DCLK1: variants seen among roughly 807,000 people sequenced by gnomAD.
The protein encoded by DCLK1 is doublecortin like kinase 1.
DCLK1 carries 16 observed loss-of-function variants against 86.2 expected under a neutral mutation model. The ratio of observed to expected loss-of-function variants is 0.19; its 90% confidence interval spans 0.13 to 0.28. DCLK1 has a LOEUF of 0.28. DCLK1 is among the 10% of genes least tolerant of loss of function. DCLK1 has a pLI of 1.00. For synonymous variants in DCLK1, 369 were observed against 370.5 expected (o/e 1.00, Z 0.05); for missense variants, 590 against 940.2 (o/e 0.63, Z 4.87).
chr13:35,878,968 T>C (rs1872735592), intron 4 of DCLK1, among the ~76,000 whole-genome samples: 1 of 152,040 alleles, frequency 6.6e-6, no homozygotes, highest in Non-Finnish European at 1.5e-5. Flanking sequence ...GTATTATTAG[T>C]AGAGATGGGG....
At chr13:35,951,421 T>C (rs1877681246) in intron 3 of DCLK1, among the ~76,000 whole-genome samples, 1 of 150,396 alleles carries the variant, frequency 6.6e-6, no homozygotes, top group Non-Finnish European at 1.5e-5. Flanking sequence ...TTCTTTCCTA[T>C]GTGTTTGTTT....
chr13:35,830,739 C>T (rs1868886822), intron 8 of DCLK1, among the ~76,000 whole-genome samples: 1 of 152,168 alleles, frequency 6.6e-6, no homozygotes. Context: ...CAATCCCAGG[C>T]AAGGCCAGAG....
intron 10 of DCLK1, 73 bp from the exon 11 acceptor site, chr13:35,822,948 C>T: frequency 6.5e-7 from 1 of 1,546,250 alleles, no homozygotes; most frequent in Non-Finnish European, 8.8e-7. Context: ...AGGCCATTGA[C>T]AAACCCCAAA....
chr13:36,082,342 A>G (rs758122424), intron 3 of DCLK1, among the ~76,000 whole-genome samples: 2 of 152,200 alleles, frequency 1.3e-5, no homozygotes, highest in African/African-American at 4.8e-5. Flanking sequence ...TTACTTTATT[A>G]TAAGAATACA....
intron 14 of DCLK1, among the ~76,000 whole-genome samples, chr13:35,807,917 T>C (rs867328790): frequency 5.3e-5 from 8 of 152,210 alleles, no homozygotes; most frequent in Middle Eastern, 3.4e-3. Flanking sequence ...ACAGGCCATA[T>C]AGAAATCTGA....
chr13:35,912,771 C>G (rs1875122262), intron 4 of DCLK1, among the ~76,000 whole-genome samples: 1 of 152,202 alleles, frequency 6.6e-6, no homozygotes. Flanking sequence ...TTTGCCCTCA[C>G]TGGCAGAGGG....
chr13:35,790,159 C>T (rs1011963475), intron 16 of DCLK1, among the ~76,000 whole-genome samples: 6 of 152,098 alleles, frequency 3.9e-5, no homozygotes, highest in Non-Finnish European at 8.8e-5. Context: ...TAATAATGTA[C>T]AGACTGTGAA....
At chr13:36,040,322 C>G (rs1434208777) in intron 3 of DCLK1, among the ~76,000 whole-genome samples, 1 of 143,114 alleles carries the variant, frequency 7.0e-6, no homozygotes, top group East Asian at 2.2e-4. Flanking sequence ...ATGACCTTGA[C>G]AGTTTGAGGG....
At chr13:35,828,607 T>C (rs775559865) in intron 8 of DCLK1, among the ~76,000 whole-genome samples, 8 of 152,318 alleles carry the variant, frequency 5.3e-5, no homozygotes, top group Admixed American at 1.3e-4. Context: ...CTTGTCCCTC[T>C]TCCAAGTGTA....
intron 15 of DCLK1, among the ~76,000 whole-genome samples, chr13:35,796,621 G>A (rs9601344): frequency 0.014 from 2,128 of 152,196 alleles, 50 homozygotes; most frequent in African/African-American, 0.048. Context: ...GTCCCATTTT[G>A]AACATGGGCA....
At chr13:35,957,190 G>C (rs532604370) in intron 3 of DCLK1, among the ~76,000 whole-genome samples, 10 of 151,990 alleles carry the variant, frequency 6.6e-5, no homozygotes, top group Admixed American at 3.9e-4. Flanking sequence ...GCTAGTGTAA[G>C]GTGCTTTACA....
At chr13:36,050,853 T>A (rs1359737609) in intron 3 of DCLK1, among the ~76,000 whole-genome samples, 2 of 152,112 alleles carry the variant, frequency 1.3e-5, no homozygotes, top group African/African-American at 4.8e-5. Context: ...CTCAAGGACA[T>A]CCCTTGCTCT....
intron 1 of DCLK1, among the ~76,000 whole-genome samples, chr13:36,128,963 A>G (rs1886278975): frequency 6.6e-6 from 1 of 152,140 alleles, no homozygotes; most frequent in Non-Finnish European, 1.5e-5. Flanking sequence ...TTGGGGGTGG[A>G]GTGGAAGACA....
chr13:36,086,370 G>C (rs770633390), intron 3 of DCLK1, among the ~76,000 whole-genome samples: 2 of 151,660 alleles, frequency 1.3e-5, no homozygotes, highest in Non-Finnish European at 2.9e-5. Context: ...ACACAGGAGA[G>C]AGAATCAGTC....
chr13:36,023,778 TA>T (rs1881894662), intron 3 of DCLK1, among the ~76,000 whole-genome samples: 2 of 152,126 alleles, frequency 1.3e-5, no homozygotes, highest in Non-Finnish European at 2.9e-5. Context: ...CACAGTCTGA[TA>T]AAACAGCATC....
intron 5 of DCLK1, among the ~76,000 whole-genome samples, chr13:35,869,726 C>T (rs1872134525): frequency 1.3e-5 from 2 of 152,206 alleles, no homozygotes; most frequent in Admixed American, 1.3e-4. Flanking sequence ...TCCAGAGTTT[C>T]TGATTCAGTG....
chr13:35,916,127 C>T (rs1277791815), intron 4 of DCLK1, among the ~76,000 whole-genome samples: 1 of 152,176 alleles, frequency 6.6e-6, no homozygotes, highest in Non-Finnish European at 1.5e-5. Flanking sequence ...CATAGGCTTA[C>T]ACTAGATTTC....
rs560097647 is a variant in DCLK1, at chr13:36,056,756, C to T, written c.723+55113G>A. Among the ~76,000 whole-genome samples the T allele has an allele frequency of 1.0e-4, 15 of 150,202 alleles. No individual in the cohort carries two copies. In the South Asian group the frequency reaches 1.5e-3, roughly 15 times the overall value. The stretch of plus-strand genomic sequence containing the variant: ...ATGTGTGTGTATATAATATATTCTC[C>T]GTGGTGGCAGGTACCTGTAGTCCCA... On this transcript the variant is annotated intron_variant, in intron 3 of 16. Coordinates refer to ENST00000360631, the MANE Select transcript of DCLK1 (RefSeq NM_001330071.2).
intron 3 of DCLK1, among the ~76,000 whole-genome samples, chr13:36,012,123 C>T (rs1566644991): frequency 7.2e-6 from 1 of 139,298 alleles, no homozygotes; most frequent in Non-Finnish European, 1.5e-5. Context: ...ATGTGTGTCT[C>T]TGCACGTGAG....
Sources: allele counts gnomAD v4.1 joint callset (sites outside exome capture counted in the v4.1 genomes callset), GRCh38; gene constraint gnomAD v4.1.1; transcripts MANE v1.5; gene names NCBI Gene and HGNC (gene_info 2026-07-23, HGNC 2026-07-21).